GPR142: variants seen among roughly 807,000 people sequenced by gnomAD.
GPR142 encodes the protein G protein-coupled receptor 142.
A neutral mutation model predicts 10.6 loss-of-function variants in GPR142; 9 were observed. The ratio of observed to expected loss-of-function variants is 0.85; its 90% CI spans 0.51 to 1.48. GPR142 has a LOEUF of 1.48. Among genes scored for constraint, GPR142 ranks in the 40% most tolerant of loss-of-function variants. The pLI is 0.00. For synonymous variants in GPR142, 202 were observed against 221.2 expected, an observed-to-expected ratio of 0.91 and a Z score of 0.77; for missense variants, 482 against 506.0, an observed-to-expected ratio of 0.95 and a Z score of 0.45.
At position 74,372,120 on chromosome 17, in the gene GPR142, C is replaced by G. The variant is rs778706487; in HGVS notation, c.645C>G (p.Thr215=). The G allele has an allele frequency of 6.2e-7, 1 of 1,614,044 alleles. No individual in the cohort carries two copies. The highest frequency in any genetic ancestry group is 1.3e-5 in the African/African-American group (1 of 74,934). The change falls in exon 4 of 4, where the codon ACC becomes ACG. Residue 215 remains threonine (T), a synonymous_variant. Transcript: ENST00000582579. ...GGTGGCTGGACATGTGGAGAGACAC[C>G]GACTCACCCAGAACACTGGACGAGG... ...FYWWLDMWRD[T]DSPRTLDEVL...
chr17:74,371,675 G>A (rs745663311), intron 3 of GPR142, 54 bp from the exon 4 acceptor site: 6 of 1,529,916 alleles, frequency 3.9e-6, no homozygotes, highest in Non-Finnish European at 5.3e-6. Flanking sequence ...TTGGAAAGCA[G>A]AGTCTGAGCT....
rs769003299 is a variant in GPR142 at position 74,371,717 on chromosome 17, G to C, written c.254-12G>C. 10 of 1,586,246 alleles carry C rather than the reference G, an allele frequency of 6.3e-6. No individual in the cohort carries two copies. In the South Asian group the frequency reaches 8.9e-5, roughly 14 times the overall value. ...TGATGCCTCTCCCCTCCCTCACCTC[G>C]GCTGCCCTCAGTCAGCCTCCTGACC... On this transcript the variant is annotated splice_polypyrimidine_tract_variant and intron_variant, in intron 3 of 3. Transcript: ENST00000582579.
rs1238803018 is a variant in GPR142 at position 74,367,761 on chromosome 17, G to T, written c.-107G>T. The T allele has an allele frequency of 2.5e-6, 4 of 1,612,920 alleles. No homozygotes were observed. Among genetic ancestry groups the T allele is most frequent in the Non-Finnish European group, 3.4e-6 (4 of 1,179,288 alleles). On this transcript the variant is annotated 5_prime_UTR_variant, in exon 1 of 4. Coordinates refer to ENST00000582579, the MANE Select transcript of GPR142 (RefSeq NM_001331076.1). ...CAGTTTCCGCCAGGTGAATCCAGCT[G>T]CCTCCCAGAACAGGCCTTCTATGGG...
Position 74,372,150 on chromosome 17 carries a change from C to A in GPR142, c.675C>A (p.Leu225=). 2 of 1,614,192 alleles carry A rather than the reference C, an allele frequency of 1.2e-6. No individual in the cohort carries two copies. The highest frequency in any genetic ancestry group is 1.7e-6 in the Non-Finnish European group (2 of 1,180,028). The stretch of plus-strand genomic sequence containing the variant: ...CACCCAGAACACTGGACGAGGTCCT[C>A]AAGTGGGCTCACTGTCTCACTGTCT... The part of the protein sequence containing the change: ...TDSPRTLDEV[L]KWAHCLTVYF... Residue 225 remains leucine (L), a synonymous_variant, in exon 4 of 4, where the codon CTC becomes CTA. Transcript: ENST00000582579.
At chr17:74,371,031 T>C (rs974750787) in intron 3 of GPR142, among the ~76,000 whole-genome samples, 1 of 152,056 alleles carries the variant, frequency 6.6e-6, no homozygotes, top group South Asian at 2.1e-4. Flanking sequence ...GAAGGACGGG[T>C]GGTCTCGGCC....
rs1439982217 is a variant in GPR142, at chr17:74,369,651, TG to T, written c.94+21del. 6.5e-7 allele frequency: 1 copy of T among 1,534,928 alleles called. No individual in the cohort carries two copies. Among genetic ancestry groups the T allele is most frequent in the Non-Finnish European group, 8.8e-7 (1 of 1,142,458 alleles). Reference sequence around the variant, plus strand: ...GAGAGACAGGTAAGGCATCTTGAAGTGGGGTGTGCTGGGGGCAATAAGGTGG... The same window carrying T: ...GAGAGACAGGTAAGGCATCTTGAAGTGGGTGTGCTGGGGGCAATAAGGTGG... On this transcript the variant is annotated intron_variant, in intron 2 of 3. Transcript: ENST00000582579.
At position 74,371,718 on chromosome 17, in the gene GPR142, G is replaced by A; in HGVS notation, c.254-11G>A. On this transcript the variant is annotated splice_polypyrimidine_tract_variant and intron_variant, in intron 3 of 3. Coordinates refer to ENST00000582579, the MANE Select transcript of GPR142 (RefSeq NM_001331076.1). ...GATGCCTCTCCCCTCCCTCACCTCG[G>A]CTGCCCTCAGTCAGCCTCCTGACCG... 2 of 1,586,976 alleles carry A rather than the reference G, an allele frequency of 1.3e-6. No homozygotes were observed. The highest frequency in any genetic ancestry group is 1.7e-5 in the Admixed American group (1 of 59,582).
intron 3 of GPR142, 143 bp downstream of exon 3, chr17:74,370,822 TG>T (rs1389046380): frequency 1.2e-6 from 1 of 821,194 alleles, no homozygotes; most frequent in Non-Finnish European, 1.8e-6. Context: ...CAGGGTGTTC[TG>T]GGTCACTGGA....
intron 3 of GPR142, 126 bp downstream of exon 3, chr17:74,370,805 C>A: frequency 3.2e-6 from 3 of 929,220 alleles, no homozygotes; most frequent in Non-Finnish European, 4.7e-6. Context: ...TCTTTCCTTG[C>A]CATTGTCAGG....
chr17:74,367,516 T>C lies in GPR142; in HGVS notation c.-352T>C, dbSNP rs755900623. 13 of 1,613,934 alleles carry C rather than the reference T, an allele frequency of 8.1e-6. No individual in the cohort carries two copies. The highest frequency in any genetic ancestry group is 5.0e-5 in the Admixed American group (3 of 59,990). ...CCAGCGTTGTTAGCAATGAGTATTA[T>C]GATGTTGCCCATGGAGCAAAAGATC... is the stretch of plus-strand genomic sequence containing the variant. On this transcript the variant is annotated 5_prime_UTR_variant, in exon 1 of 4. The change abolishes an upstream ATG in the 5' untranslated region. Coordinates refer to ENST00000582579, the MANE Select transcript of GPR142 (RefSeq NM_001331076.1).
chr17:74,371,124 A>G (rs2055020914), intron 3 of GPR142, among the ~76,000 whole-genome samples: 1 of 150,098 alleles, frequency 6.7e-6, no homozygotes, highest in Admixed American at 6.6e-5. Flanking sequence ...GAAAACCTAA[A>G]AAGGACTTGG....
At position 74,369,355 on chromosome 17, in the gene GPR142, G is replaced by T; in HGVS notation, c.-73-113G>T. 5 of 964,714 alleles carry T rather than the reference G, an allele frequency of 5.2e-6. 1 individual carries two copies. In the South Asian group the frequency reaches 8.1e-5, roughly 16 times the overall value. 59.8% of individuals were successfully genotyped at this position (964,714 alleles called of 1,614,324 possible). A position where few individuals can be genotyped will look rare whatever the true frequency, so the allele number is the denominator to read the frequency against. On this transcript the variant is annotated intron_variant, in intron 1 of 3. Coordinates refer to ENST00000582579, the MANE Select transcript of GPR142 (RefSeq NM_001331076.1). ...GCCCGACCCCTTCCCCTGCCTGTGC[G>T]CCTTAGAGCACCCTGGTTTGCTCCA...
Position 74,371,862 on chromosome 17 carries a change from G to T in GPR142, c.387G>T (p.Leu129=), listed in dbSNP as rs777935178. ...TCATCGTGTTCGCGGGCTTCCTCCT[G>T]CAGGGAGCAGTGCTGGCCCGCCAGG... ...QVVIVFAGFL[L]QGAVLARQVP... The change falls in exon 4 of 4, where the codon CTG becomes CTT. Residue 129 remains leucine, a synonymous_variant. Coordinates refer to ENST00000582579, the MANE Select transcript of GPR142 (RefSeq NM_001331076.1). The T allele has an allele frequency of 3.1e-6, 5 of 1,613,448 alleles. No individual in the cohort carries two copies. Among genetic ancestry groups the T allele is most frequent in the East Asian group, 4.5e-5 (2 of 44,898 alleles).
chr17:74,370,134 C>T (rs1482606444), intron 2 of GPR142, among the ~76,000 whole-genome samples: 1 of 152,012 alleles, frequency 6.6e-6, no homozygotes, highest in African/African-American at 2.4e-5. Flanking sequence ...GCTGCTGCAA[C>T]CCCGCTTCAG....
chr17:74,369,628 G>C lies in GPR142; in HGVS notation c.88G>C (p.Glu30Gln). The change falls in exon 2 of 4, where the codon GAG (glutamate) becomes CAG (glutamine). Residue 30 changes from glutamate to glutamine, a missense_variant. Physicochemically the swap from Glu to Gln is conservative, Grantham distance 29. Transcript: ENST00000582579. ...GPQSMGLEGR[E>Q]TAGQPRVTLL... The stretch of plus-strand genomic sequence containing the variant: ...CCAGAGCATGGGGCTTGAGGGACGA[G>C]AGACAGGTAAGGCATCTTGAAGTGG... 1 of 1,547,104 alleles carries C rather than the reference G, an allele frequency of 6.5e-7. No individual in the cohort carries two copies. The highest frequency in any genetic ancestry group is 2.5e-5 in the East Asian group (1 of 40,746).
At chr17:74,371,066 G>A (rs2055020404) in intron 3 of GPR142, among the ~76,000 whole-genome samples, 1 of 151,878 alleles carries the variant, frequency 6.6e-6, no homozygotes, top group South Asian at 2.1e-4. Context: ...AAGTCTGATA[G>A]CTAAACCCAT....
rs763346633 is a variant in GPR142, at chr17:74,372,069, C to T, written c.594C>T (p.Ala198=). Reference sequence around the variant, plus strand: ...CCATTGCTGCTGTCCTGAGTGCTGCCCTGTTGACCGGCATCCCCTTCTACT... The same window carrying T: ...CCATTGCTGCTGTCCTGAGTGCTGCTCTGTTGACCGGCATCCCCTTCTACT... ...RRAIAAVLSA[A]LLTGIPFYWW... The change falls in exon 4 of 4, where the codon GCC becomes GCT. Residue 198 remains alanine (A), a synonymous_variant. Coordinates refer to ENST00000582579, the MANE Select transcript of GPR142 (RefSeq NM_001331076.1). 5.6e-6 allele frequency: 9 copies of T among 1,614,210 alleles called. No homozygotes were observed. The highest frequency in any genetic ancestry group is 2.2e-5 in the East Asian group (1 of 44,886).
rs555006113 is a variant in GPR142 at position 74,372,409 on chromosome 17, A to C, written c.934A>C (p.Asn312His). The C allele has an allele frequency of 2.5e-6, 4 of 1,614,066 alleles. No individual in the cohort carries two copies. Among genetic ancestry groups the C allele is most frequent in the African/African-American group, 2.7e-5 (2 of 75,066 alleles). ...GGTCCACCTGGCCTTGGATGTGGCC[A>C]ATATGGTGGCCATGCTCCACACGGC... ...WRVHLALDVA[N>H]MVAMLHTAAN... The change falls in exon 4 of 4, where the codon AAT becomes CAT. Residue 312 changes from asparagine (N) to histidine (H), a missense_variant. Coordinates refer to ENST00000582579, the MANE Select transcript of GPR142 (RefSeq NM_001331076.1).
rs59375334 is a variant in GPR142 at position 74,367,718 on chromosome 17, GC to G, written c.-148del. On this transcript the variant is annotated 5_prime_UTR_variant, in exon 1 of 4. The change creates a premature stop within an existing upstream ORF in the 5' untranslated region. Transcript: ENST00000582579. ...GGGGAAGCTGGGACCTCCGAATAAG[GC>G]CATCCAAGGACTCCAGCAGTTTCCG... The G allele has an allele frequency of 0.012, 19,022 of 1,613,966 alleles. 1,894 individuals are homozygous for G. The African/African-American group carries it at 0.22, about 19-fold the overall frequency.
Sources: allele counts gnomAD v4.1 joint callset (sites outside exome capture counted in the v4.1 genomes callset), GRCh38; gene constraint gnomAD v4.1.1; transcripts MANE v1.5; gene names NCBI Gene and HGNC (gene_info 2026-07-23, HGNC 2026-07-21).